Variants in SHISA6 observed in about 807,000 individuals in gnomAD.
The protein encoded by SHISA6 is protein shisa-6.
In SHISA6, 22 loss-of-function variants were observed where a neutral mutation model predicts 47.9. The ratio of observed to expected loss-of-function variants is 0.46; its 90% CI spans 0.33 to 0.66. The LOEUF is 0.66. Among genes scored for constraint, SHISA6 ranks in the 30% least tolerant of loss-of-function variants. The pLI is 0.02. For synonymous variants in SHISA6, 388 were observed against 337.8 expected (o/e 1.15, Z -1.63); for missense variants, 680 against 764.6 (o/e 0.89, Z 1.30).
chr17:11,359,510 G>C (rs991811951), intron 2 of SHISA6, among the ~76,000 whole-genome samples: 1 of 152,064 alleles, frequency 6.6e-6, no homozygotes, highest in Non-Finnish European at 1.5e-5. Flanking sequence ...TCTTCTCTCT[G>C]GACCAGGTTT....
At chr17:11,341,227 T>G (rs1397819550) in intron 2 of SHISA6, among the ~76,000 whole-genome samples, 1 of 151,234 alleles carries the variant, frequency 6.6e-6, no homozygotes, top group Non-Finnish European at 1.5e-5. Flanking sequence ...ACAGCAACAA[T>G]AAAAATGACA....
At position 11,558,630 on chromosome 17, in the gene SHISA6, C is replaced by A; in HGVS notation, c.*326C>A. 1 of 376,594 alleles carries A rather than the reference C, an allele frequency of 2.7e-6. No homozygotes were observed. The highest frequency in any genetic ancestry group is 3.6e-5 in the South Asian group (1 of 27,974). The allele number at this position is 376,594 out of a possible 1,614,324, so 23.3% of individuals were successfully genotyped here. ...CCGTCCCGCGCCTCCTTCTCCCCATCCGGGGGACTCAGCTGCAGGTTCTGT... is the reference window on the plus strand; with the variant it reads ...CCGTCCCGCGCCTCCTTCTCCCCATACGGGGGACTCAGCTGCAGGTTCTGT... On this transcript the variant is annotated 3_prime_UTR_variant, in exon 6 of 6. Transcript: ENST00000441885.
At chr17:11,310,405 G>A (rs1315253783) in intron 2 of SHISA6, among the ~76,000 whole-genome samples, 1 of 152,178 alleles carries the variant, frequency 6.6e-6, no homozygotes, top group Admixed American at 6.5e-5. Flanking sequence ...GATATAAGAT[G>A]ATCAAAATTG....
chr17:11,246,679 C>T (rs1174339650), intron 1 of SHISA6, among the ~76,000 whole-genome samples: 1 of 152,154 alleles, frequency 6.6e-6, no homozygotes, highest in Non-Finnish European at 1.5e-5. Flanking sequence ...TGACGTTGCC[C>T]TGCCTTCATG....
intron 3 of SHISA6, among the ~76,000 whole-genome samples, chr17:11,542,047 T>G (rs2142379555): frequency 6.6e-6 from 1 of 152,302 alleles, no homozygotes; most frequent in South Asian, 2.1e-4. Flanking sequence ...ACTGCTGAAC[T>G]TCAGGTAAGA....
At chr17:11,397,889 G>T (rs1597493106) in intron 3 of SHISA6, among the ~76,000 whole-genome samples, 2 of 151,938 alleles carry the variant, frequency 1.3e-5, no homozygotes, top group Admixed American at 1.3e-4. Context: ...GGAGATTAGA[G>T]CCCCCCCTTA....
chr17:11,262,758 T>C (rs1908280295), intron 1 of SHISA6, among the ~76,000 whole-genome samples: 1 of 152,238 alleles, frequency 6.6e-6, no homozygotes, highest in South Asian at 2.1e-4. Flanking sequence ...TTCCCCTGTG[T>C]TTGTGATTGC....
chr17:11,502,272 G>A (rs11870028), intron 3 of SHISA6, among the ~76,000 whole-genome samples: 1 of 151,634 alleles, frequency 6.6e-6, no homozygotes, highest in African/African-American at 2.4e-5. Flanking sequence ...AGCCGGGCGT[G>A]GTAGCGGGCG....
At chr17:11,357,623 C>T (rs940196463) in intron 2 of SHISA6, among the ~76,000 whole-genome samples, 4 of 152,192 alleles carry the variant, frequency 2.6e-5, no homozygotes, top group African/African-American at 4.8e-5. Context: ...TTAAACTGTT[C>T]TTCAAAAGAT....
intron 3 of SHISA6, among the ~76,000 whole-genome samples, chr17:11,402,392 T>G (rs985695055): frequency 6.6e-6 from 1 of 152,212 alleles, no homozygotes; most frequent in African/African-American, 2.4e-5. Flanking sequence ...TAATTCTAGA[T>G]GTTAATCAAC....
intron 3 of SHISA6, among the ~76,000 whole-genome samples, chr17:11,403,030 G>A (rs1913832222): frequency 6.6e-6 from 1 of 152,184 alleles, no homozygotes; most frequent in Non-Finnish European, 1.5e-5. Flanking sequence ...TCATGGAGGA[G>A]GGTTGAAGGA....
At chr17:11,315,426 T>C (rs1910475252) in intron 2 of SHISA6, among the ~76,000 whole-genome samples, 1 of 151,946 alleles carries the variant, frequency 6.6e-6, no homozygotes, top group South Asian at 2.1e-4. Flanking sequence ...ATTTCTCTTC[T>C]TTTTTTTCTT....
chr17:11,364,090 T>C (rs112961280), intron 2 of SHISA6, among the ~76,000 whole-genome samples: 4 of 152,208 alleles, frequency 2.6e-5, no homozygotes, highest in Non-Finnish European at 5.9e-5. Flanking sequence ...CCCAATTTGG[T>C]GACTTGCCTG....
At chr17:11,378,955 G>A (rs1912910005) in intron 2 of SHISA6, among the ~76,000 whole-genome samples, 1 of 151,706 alleles carries the variant, frequency 6.6e-6, no homozygotes, top group Admixed American at 6.6e-5. Flanking sequence ...AAGAGTGGTG[G>A]GACAAATAGA....
At chr17:11,550,345 G>A (rs937197923) in intron 3 of SHISA6, among the ~76,000 whole-genome samples, 6 of 152,246 alleles carry the variant, frequency 3.9e-5, no homozygotes, top group Middle Eastern at 3.4e-3. Context: ...GTGAGCCACT[G>A]CGCCCGGCCC....
intron 2 of SHISA6, among the ~76,000 whole-genome samples, chr17:11,329,083 T>C (rs1030456728): frequency 1.6e-4 from 25 of 152,208 alleles, no homozygotes; most frequent in Non-Finnish European, 2.1e-4. Flanking sequence ...TGTAAGTTAT[T>C]ACAGTCAGCA....
chr17:11,359,517 GT>G (rs1203152405), intron 2 of SHISA6, among the ~76,000 whole-genome samples: 1 of 152,110 alleles, frequency 6.6e-6, no homozygotes, highest in East Asian at 1.9e-4. Flanking sequence ...TCTGGACCAG[GT>G]TTTTTGGCTT....
intron 2 of SHISA6, among the ~76,000 whole-genome samples, chr17:11,264,684 T>C (rs1397737910): frequency 6.6e-6 from 1 of 152,214 alleles, no homozygotes; most frequent in Non-Finnish European, 1.5e-5. Context: ...AATAAGGATA[T>C]ATAGCCACTA....
chr17:11,284,070 A>C (rs769650399), intron 2 of SHISA6, among the ~76,000 whole-genome samples: 1 of 152,178 alleles, frequency 6.6e-6, no homozygotes, highest in African/African-American at 2.4e-5. Context: ...CCACACACAC[A>C]GACATACACA....
Sources: gnomAD v4.1 joint callset for allele counts (sites outside exome capture counted in the v4.1 genomes callset) on GRCh38, gnomAD v4.1.1 for gene constraint, MANE v1.5 for transcripts, NCBI Gene and HGNC (gene_info 2026-07-23, HGNC 2026-07-21) for gene names.